The following AIPL1 variants were observed in gnomAD, a reference collection of about 807,000 sequenced individuals.
AIPL1 encodes AIP like 1 HSP90 co-chaperone.
Under a neutral mutation model 32.9 loss-of-function variants are expected in AIPL1, and 23 were observed. The observed-to-expected ratio is 0.70, with a 90% CI of 0.50 to 0.99. The LOEUF is 0.99. Among genes scored for constraint, AIPL1 ranks in the 50% least tolerant of loss-of-function variants. The pLI is 0.00. For synonymous variants in AIPL1, 210 were observed against 209.4 expected (o/e 1.00, Z -0.02); for missense variants, 485 against 506.0 (o/e 0.96, Z 0.40).
chr17:6,434,491 T>C (rs1912977193), intron 1 of AIPL1, among the ~76,000 whole-genome samples: 1 of 151,708 alleles, frequency 6.6e-6, no homozygotes, highest in Non-Finnish European at 1.5e-5. Context: ...CCTGAGTATC[T>C]GAACTGGGAT....
At chr17:6,430,967 C>G (rs1421204740) in intron 2 of AIPL1, among the ~76,000 whole-genome samples, 1 of 151,234 alleles carries the variant, frequency 6.6e-6, no homozygotes, top group Non-Finnish European at 1.5e-5. Context: ...TGAGTGGGAT[C>G]ACCTACTGGC....
In AIPL1 at chr17:6,428,372, C is replaced by G; in HGVS notation, c.411G>C (p.Leu137=). The part of the protein sequence containing the change: ...FAYHTLGYED[L]DELQKEPQPL... ...GCTGAGGCTCCTTCTGCAGCTCGTC[C>G]AGGTCCTCGTAGCCCAGCGTGTGGT... Residue 137 remains leucine, a synonymous_variant, in exon 3 of 6, where the codon CTG becomes CTC. Transcript: ENST00000381129. 1 of 1,612,434 alleles carries G rather than the reference C, an allele frequency of 6.2e-7. No homozygotes were observed. The highest frequency in any genetic ancestry group is 8.5e-7 in the Non-Finnish European group (1 of 1,180,044).
Position 6,425,763 on chromosome 17 carries a change from C to T in AIPL1, c.852G>A (p.Lys284=), listed in dbSNP as rs1597325887. 1 of 1,607,092 alleles carries T rather than the reference C, an allele frequency of 6.2e-7. No homozygotes were observed. Residue 284 remains lysine (K), a synonymous_variant, in exon 6 of 6, where the codon AAG becomes AAA. Transcript: ENST00000381129. ...GCTCCAGCACTTTCTGGAGGTCCGC[C>T]TTGGCCTCGGCCTCATTCCACACCT... ...HAEVWNEAEA[K]ADLQKVLELE...
chr17:6,432,025 A>G (rs950826941), intron 2 of AIPL1, among the ~76,000 whole-genome samples: 1 of 152,224 alleles, frequency 6.6e-6, no homozygotes, highest in Non-Finnish European at 1.5e-5. Context: ...GGAAAATCAG[A>G]ATGTGGGACT....
At chr17:6,434,896 G>A (rs1425795819) in intron 1 of AIPL1, 113 bp downstream of exon 1, 7 of 1,553,678 alleles carry the variant, frequency 4.5e-6, no homozygotes, top group South Asian at 1.2e-5. Flanking sequence ...CGCTGGGGCT[G>A]CCTGGCTGTT....
chr17:6,432,384 A>C (rs1406010455), intron 2 of AIPL1, among the ~76,000 whole-genome samples: 1 of 151,554 alleles, frequency 6.6e-6, no homozygotes, highest in African/African-American at 2.4e-5. Flanking sequence ...AAAAAAAAAA[A>C]GAAAGAAAGA....
Position 6,428,502 on chromosome 17 carries a change from G to A in AIPL1, c.281C>T (p.Thr94Met), listed in dbSNP as rs773203055. The A allele has an allele frequency of 3.1e-5, 50 of 1,613,732 alleles. No homozygotes were observed. The highest frequency in any genetic ancestry group is 3.3e-4 in the Middle Eastern group (2 of 6,084). ...CCGGGATAGGATGGGGTAGACCCCC[G>A]TGTGCTGTGGGGATAAACGGATGGA... ...VAEFWCDTIH[T>M]GVYPILSRSL... is the part of the protein sequence containing the mutation. Residue 94 changes from threonine (T) to methionine (M), a missense_variant, in exon 3 of 6, where the codon ACG becomes ATG. Transcript: ENST00000381129.
Position 6,424,985 on chromosome 17 carries a change from A to G in AIPL1, c.*475T>C, listed in dbSNP as rs1911762808. On this transcript the variant is annotated 3_prime_UTR_variant, in exon 6 of 6. Transcript: ENST00000381129. ...GCTTGCCCACCCTACATCAAGACCC[A>G]CTAAAGTCAGTGGGATTCTAGAGAG... 6.5e-6 allele frequency: 1 copy of G among 154,572 alleles called. No individual in the cohort carries two copies. The highest frequency in any genetic ancestry group is 6.3e-5 in the Admixed American group (1 of 15,788). 9.6% of individuals were successfully genotyped at this position (154,572 alleles called of 1,614,324 possible).
chr17:6,425,976 A>AGGG, intron 5 of AIPL1, 146 bp from the exon 6 acceptor site: 1 of 1,190,252 alleles, frequency 8.4e-7, no homozygotes, highest in Non-Finnish European at 1.1e-6. Flanking sequence ...CGGTTTCCTC[A>AGGG]ACTGTAAGAT....
At chr17:6,429,107 G>A (rs1277085613) in intron 2 of AIPL1, among the ~76,000 whole-genome samples, 1 of 152,214 alleles carries the variant, frequency 6.6e-6, no homozygotes, top group Non-Finnish European at 1.5e-5. Flanking sequence ...AAATGAGATG[G>A]TGCAGATATA....
At position 6,427,173 on chromosome 17, in the gene AIPL1, G is replaced by A. The variant is rs1912080867; in HGVS notation, c.466-116C>T. On this transcript the variant is annotated intron_variant, in intron 3 of 5. Coordinates refer to ENST00000381129, the MANE Select transcript of AIPL1 (RefSeq NM_014336.5). ...CCCTGAAGTCATGCTTGCTGGTCAA[G>A]TGCATACAGACAAGGGAAAGAAGCA... 10 of 1,157,868 alleles carry A rather than the reference G, an allele frequency of 8.6e-6. No individual in the cohort carries two copies. The South Asian group carries it at 1.3e-4, about 15-fold the overall frequency. The allele number at this position is 1,157,868 out of a possible 1,614,324, so 71.7% of individuals were successfully genotyped here.
chr17:6,425,759 C>G lies in AIPL1; in HGVS notation c.856G>C (p.Asp286His). 6.2e-7 allele frequency: 1 copy of G among 1,607,308 alleles called. No homozygotes were observed. The highest frequency in any genetic ancestry group is 8.5e-7 in the Non-Finnish European group (1 of 1,179,996). Residue 286 changes from aspartate (D) to histidine (H), a missense_variant, in exon 6 of 6, where the codon GAC becomes CAC. Physicochemically the swap from Asp to His is moderately conservative, Grantham distance 81. Transcript: ENST00000381129. ...TCCAGCTCCAGCACTTTCTGGAGGT[C>G]CGCCTTGGCCTCGGCCTCATTCCAC... ...EVWNEAEAKA[D>H]LQKVLELEPS...
chr17:6,428,637 G>T, intron 2 of AIPL1, 131 bp from the exon 3 acceptor site: 1 of 845,542 alleles, frequency 1.2e-6, no homozygotes, highest in African/African-American at 1.6e-5. Context: ...ACTAACTGTG[G>T]TTAACTGTGT....
At position 6,425,811 on chromosome 17, in the gene AIPL1, G is replaced by T; in HGVS notation, c.804C>A (p.Tyr268Ter). 1 of 1,604,518 alleles carries T rather than the reference G, an allele frequency of 6.2e-7. No homozygotes were observed. The highest frequency in any genetic ancestry group is 8.5e-7 in the Non-Finnish European group (1 of 1,179,652). The change falls in exon 6 of 6, where the codon TAC (tyrosine) becomes TAA (stop). Residue 268 changes from tyrosine (Y) to a stop codon, truncating the protein, a stop_gained. Transcript: ENST00000381129. LOFTEE classifies it low-confidence loss of function (END_TRUNC). ...CCTCTGCGTGAGCCCGGGCACGCAC[G>T]TAGTAGGCCTTCACGATGCCTGTGG... ...RHHPGIVKAY[Y>*]VRARAHAEVW...
In AIPL1 at chr17:6,425,180, C is replaced by T. The variant is rs886053261; in HGVS notation, c.*280G>A. ...TCTAGAAACTGATTTAAACAGATTA[C>T]TTGGAAATAGAGAAAACTACCAGAA... On this transcript the variant is annotated 3_prime_UTR_variant, in exon 6 of 6. Coordinates refer to ENST00000381129, the MANE Select transcript of AIPL1 (RefSeq NM_014336.5). 7.3e-5 allele frequency: 26 copies of T among 356,436 alleles called. No individual in the cohort carries two copies. Among genetic ancestry groups the T allele is most frequent in the Non-Finnish European group, 9.1e-5 (18 of 198,852 alleles). The allele number at this position is 356,436 out of a possible 1,614,324, so 22.1% of individuals were successfully genotyped here.
In AIPL1 at chr17:6,435,027, G is replaced by C. The variant is rs1403472603; in HGVS notation, c.78C>G (p.Asn26Lys). ...CACTCACTCGGGATCCGGTGATGAAGTTTGGGAGCTCGCCCGTGCCCCCGT... is the reference window on the plus strand; with the variant it reads ...CACTCACTCGGGATCCGGTGATGAACTTTGGGAGCTCGCCCGTGCCCCCGT... ...ILHGGTGELP[N>K]FITGSRVIFH... is the part of the protein sequence containing the mutation. The change falls in exon 1 of 6, where the codon AAC becomes AAG. Residue 26 changes from asparagine (N) to lysine (K), a missense_variant. Coordinates refer to ENST00000381129, the MANE Select transcript of AIPL1 (RefSeq NM_014336.5). 3.1e-6 allele frequency: 5 copies of C among 1,614,224 alleles called. No individual in the cohort carries two copies. The highest frequency in any genetic ancestry group is 4.2e-6 in the Non-Finnish European group (5 of 1,180,024).
intron 2 of AIPL1, among the ~76,000 whole-genome samples, chr17:6,433,586 A>ATCTCTC (rs149646818): frequency 0.051 from 3,357 of 65,412 alleles, 149 homozygotes; most frequent in South Asian, 0.097. Flanking sequence ...GCGAGACCCT[A>ATCTCTC]TCTCTCTCTC....
At chr17:6,434,903 TG>T (rs768590071) in intron 1 of AIPL1, 105 bp downstream of exon 1, 21 of 1,563,436 alleles carry the variant, frequency 1.3e-5, no homozygotes, top group South Asian at 1.2e-4. Flanking sequence ...GCTGCCTGGC[TG>T]TTTTTTTGGC....
chr17:6,424,036 A>G lies in AIPL1; in HGVS notation c.*1424T>C, dbSNP rs1911674173. The G allele has an allele frequency of 6.6e-6, 1 of 152,230 alleles. No homozygotes were observed. The highest frequency in any genetic ancestry group is 6.5e-5 in the Admixed American group (1 of 15,282). The allele number at this position is 152,230 out of a possible 1,614,324, so 9.4% of individuals were successfully genotyped here. On this transcript the variant is annotated 3_prime_UTR_variant, in exon 6 of 6. Transcript: ENST00000381129. ...CCACACACCTGGGTGGTGCTAGAGG[A>G]TGTCGCTGGCGTGATAGCCCCTCCT...
Sources: gnomAD v4.1 joint callset for allele counts (sites outside exome capture counted in the v4.1 genomes callset) on GRCh38, gnomAD v4.1.1 for gene constraint, MANE v1.5 for transcripts, NCBI Gene and HGNC (gene_info 2026-07-23, HGNC 2026-07-21) for gene names.